The following ADCY1 variants were observed in gnomAD, a reference collection of about 807,000 sequenced individuals.
The protein encoded by ADCY1 is adenylate cyclase type 1.
In ADCY1, 28 loss-of-function variants were observed where a neutral mutation model predicts 105.4. The observed-to-expected ratio is 0.27, with a 90% confidence interval of 0.20 to 0.36. The LOEUF is 0.36. ADCY1 is among the 10% of genes least tolerant of loss of function. The pLI is 1.00. For synonymous variants in ADCY1, 655 were observed against 623.8 expected (o/e 1.05, Z -0.75); for missense variants, 977 against 1,434.2 (o/e 0.68, Z 5.15).
rs751754568 is a variant in ADCY1 at position 45,662,232 on chromosome 7, G to T, written c.1605+18G>T. 4 of 1,607,746 alleles carry T rather than the reference G, an allele frequency of 2.5e-6. No homozygotes were observed. The East Asian group carries it at 8.9e-5, about 36-fold the overall frequency. ...ATGACAAGGTAGGAGCAGCCAGGGA[G>T]CCTGCCATGCTGGAGCTGCCAGGGA... On this transcript the variant is annotated intron_variant, in intron 8 of 19. Transcript: ENST00000297323.
At chr7:45,690,501 G>T (rs917251018) in intron 14 of ADCY1, among the ~76,000 whole-genome samples, 3 of 152,186 alleles carry the variant, frequency 2.0e-5, no homozygotes, top group African/African-American at 4.8e-5. Context: ...CTCCTCCCTC[G>T]CTACTGGCCC....
chr7:45,648,897 G>C, intron 5 of ADCY1, 100 bp downstream of exon 5: 1 of 1,463,022 alleles, frequency 6.8e-7, no homozygotes, highest in Admixed American at 2.0e-5. Context: ...TCCCCTCTCA[G>C]GGTCTCGCTT....
intron 14 of ADCY1, among the ~76,000 whole-genome samples, chr7:45,691,715 A>G (rs146779818): frequency 1.3e-5 from 2 of 152,364 alleles, no homozygotes; most frequent in East Asian, 3.9e-4. Context: ...TTCTCTACCA[A>G]TAAACGCTTA....
At chr7:45,586,742 CAG>C (rs978572175) in intron 1 of ADCY1, among the ~76,000 whole-genome samples, 2 of 152,190 alleles carry the variant, frequency 1.3e-5, no homozygotes, top group African/African-American at 2.4e-5. Context: ...GGGAGGGGGA[CAG>C]AGGGACCACT....
At chr7:45,677,593 C>T (rs193225071) in intron 8 of ADCY1, among the ~76,000 whole-genome samples, 8 of 152,110 alleles carry the variant, frequency 5.3e-5, no homozygotes, top group Admixed American at 2.6e-4. Flanking sequence ...TGCTGTTCTC[C>T]CCACTGCAAA....
At chr7:45,601,203 C>T (rs1383540977) in intron 2 of ADCY1, among the ~76,000 whole-genome samples, 1 of 152,100 alleles carries the variant, frequency 6.6e-6, no homozygotes, top group East Asian at 1.9e-4. Flanking sequence ...GAGAAGCAGG[C>T]CTGGGCTGGG....
chr7:45,695,525 C>G (rs1044683680), intron 14 of ADCY1, among the ~76,000 whole-genome samples: 3 of 152,168 alleles, frequency 2.0e-5, no homozygotes, highest in Admixed American at 2.0e-4. Flanking sequence ...TAGGCAGAAT[C>G]CTGTGAACAC....
intron 1 of ADCY1, among the ~76,000 whole-genome samples, chr7:45,587,289 A>G (rs1792759685): frequency 6.6e-6 from 1 of 152,188 alleles, no homozygotes; most frequent in Admixed American, 6.5e-5. Context: ...TGTGCATGGC[A>G]TGGCAGACAG....
At chr7:45,621,826 T>C (rs1047131386) in intron 3 of ADCY1, among the ~76,000 whole-genome samples, 4 of 152,246 alleles carry the variant, frequency 2.6e-5, no homozygotes, top group African/African-American at 9.6e-5. Context: ...TGTGAATAAA[T>C]GATTGGGACC....
intron 4 of ADCY1, among the ~76,000 whole-genome samples, chr7:45,646,873 C>A (rs571608732): frequency 3.9e-5 from 6 of 152,308 alleles, no homozygotes; most frequent in African/African-American, 1.2e-4. Flanking sequence ...TCTCTGTGAC[C>A]AGCTCCCTGT....
At chr7:45,625,900 C>A (rs1794048211) in intron 4 of ADCY1, among the ~76,000 whole-genome samples, 1 of 152,190 alleles carries the variant, frequency 6.6e-6, no homozygotes. Context: ...TTGCAGACAC[C>A]TGCTGAAGCA....
chr7:45,668,043 T>C (rs1002015507), intron 8 of ADCY1, among the ~76,000 whole-genome samples: 23 of 152,224 alleles, frequency 1.5e-4, no homozygotes, highest in Non-Finnish European at 3.2e-4. Context: ...GATGATGGGG[T>C]TTTCTAGATA....
chr7:45,612,143 C>A (rs560518212), intron 3 of ADCY1, among the ~76,000 whole-genome samples: 2 of 152,322 alleles, frequency 1.3e-5, no homozygotes, highest in South Asian at 4.1e-4. Flanking sequence ...TGTTGTCCTC[C>A]TTCTGCAGAG....
chr7:45,618,293 A>G (rs1242889854), intron 3 of ADCY1, among the ~76,000 whole-genome samples: 1 of 152,218 alleles, frequency 6.6e-6, no homozygotes, highest in Admixed American at 6.5e-5. Flanking sequence ...ACATAGTGGA[A>G]ATACTTCTGG....
intron 5 of ADCY1, among the ~76,000 whole-genome samples, chr7:45,655,617 A>G (rs1437573480): frequency 6.6e-6 from 1 of 152,222 alleles, no homozygotes; most frequent in Non-Finnish European, 1.5e-5. Context: ...GTTACCAAGA[A>G]TTGAGATCTT....
intron 2 of ADCY1, among the ~76,000 whole-genome samples, chr7:45,606,678 T>C (rs1044237505): frequency 6.6e-6 from 1 of 152,224 alleles, no homozygotes; most frequent in Admixed American, 6.5e-5. Context: ...TACTTCTCCA[T>C]CTTCCCAGAA....
chr7:45,587,005 G>A (rs1792748963), intron 1 of ADCY1, among the ~76,000 whole-genome samples: 1 of 152,246 alleles, frequency 6.6e-6, no homozygotes, highest in Non-Finnish European at 1.5e-5. Flanking sequence ...CTGTCCCCAT[G>A]GATAGTCTGA....
Position 45,721,302 on chromosome 7 carries a change from C to G in ADCY1, c.*7307C>G, listed in dbSNP as rs188742449. 1 of 167,950 alleles carries G rather than the reference C, an allele frequency of 6.0e-6. No homozygotes were observed. 10.4% of individuals were successfully genotyped at this position (167,950 alleles called of 1,614,324 possible). A position where few individuals can be genotyped will look rare whatever the true frequency, so the allele number is the denominator to read the frequency against. On this transcript the variant is annotated 3_prime_UTR_variant, in exon 20 of 20. Coordinates refer to ENST00000297323, the MANE Select transcript of ADCY1 (RefSeq NM_021116.4). ...TCCTCTTGGGTAAGAGGAATTCCTC[C>G]TTCTTTACTAACTGATCCCCAGCAA...
Position 45,652,451 on chromosome 7 carries a change from A to G in ADCY1, c.1148+3654A>G, listed in dbSNP as rs369438806. ...ACAAGAAAGAAATTGCTGCAGGTGC[A>G]GGCAAGCATGCAGCCAGAGCTGGGT... On this transcript the variant is annotated intron_variant, in intron 5 of 19. Transcript: ENST00000297323. 5.0e-4 allele frequency among the ~76,000 whole-genome samples: 76 copies of G among 152,354 alleles called. 2 individuals carry two copies. The South Asian group carries it at 0.013, about 26-fold the overall frequency.
Sources: gnomAD v4.1 joint callset for allele counts (sites outside exome capture counted in the v4.1 genomes callset) on GRCh38, gnomAD v4.1.1 for gene constraint, MANE v1.5 for transcripts, NCBI Gene and HGNC (gene_info 2026-07-23, HGNC 2026-07-21) for gene names.